SLC9A9: variants seen among roughly 807,000 people sequenced by gnomAD.
SLC9A9 encodes sodium/hydrogen exchanger 9.
Under a neutral mutation model 77.8 loss-of-function variants are expected in SLC9A9, and 62 were observed. That is an observed-to-expected ratio of 0.80 (90% CI 0.65 to 0.98). The LOEUF (loss-of-function observed/expected upper bound fraction) is 0.98. Ranked by LOEUF, SLC9A9 falls within the 50% of genes least tolerant of loss-of-function variation. The pLI, the probability that SLC9A9 is intolerant of heterozygous loss-of-function variation, is 0.00. For missense variants in SLC9A9, 775 were observed against 774.9 expected, an observed-to-expected ratio of 1.00 and a Z score of 0.00; for synonymous variants, 320 against 283.5, an observed-to-expected ratio of 1.13 and a Z score of -1.29.
chr3:143,556,942 T>C (rs1331740829), intron 8 of SLC9A9, among the ~76,000 whole-genome samples: 1 of 152,218 alleles, frequency 6.6e-6, no homozygotes, highest in Non-Finnish European at 1.5e-5. Flanking sequence ...GAACTGGAAC[T>C]CATCCTCTTT....
At chr3:143,742,064 A>T (rs1225433364) in intron 4 of SLC9A9, among the ~76,000 whole-genome samples, 1 of 151,908 alleles carries the variant, frequency 6.6e-6, no homozygotes, top group Non-Finnish European at 1.5e-5. Flanking sequence ...CAAGATTCTG[A>T]CCCTCCTTAA....
rs2037406610 is a variant in SLC9A9 at position 143,578,717 on chromosome 3, T to C, written c.762A>G (p.Ile254Met). Residue 254 changes from isoleucine (I) to methionine (M), a missense_variant, in exon 7 of 16, where the codon ATA becomes ATG. Ile to Met is a conservative substitution (Grantham distance 10, BLOSUM62 1). Transcript: ENST00000316549. ...GATTCTCCTTGGGACTGTAAATGGA[T>C]ATAGAACTGAAAAGAGAAGAGGGTG... ...DAVAIVLTYS[I>M]SIYSPKENPN... 1 of 1,613,808 alleles carries C rather than the reference T, an allele frequency of 6.2e-7. No homozygotes were observed. Among genetic ancestry groups the C allele is most frequent in the African/African-American group, 1.3e-5 (1 of 74,908 alleles).
intron 2 of SLC9A9, among the ~76,000 whole-genome samples, chr3:143,799,448 C>T (rs554429037): frequency 9.2e-5 from 14 of 152,272 alleles, no homozygotes; most frequent in African/African-American, 3.4e-4. Flanking sequence ...AATTCCTTGC[C>T]CCCACTGTGA....
chr3:143,376,090 A>C (rs1315180263), intron 13 of SLC9A9, among the ~76,000 whole-genome samples: 4 of 152,150 alleles, frequency 2.6e-5, no homozygotes, highest in African/African-American at 9.7e-5. Context: ...CTGTGAGTGA[A>C]GGATGACACA....
rs944603090 is a variant in SLC9A9, at chr3:143,266,011, C to T, written c.*691G>A. On this transcript the variant is annotated 3_prime_UTR_variant, in exon 16 of 16. Transcript: ENST00000316549. ...ACCTGGTTTTCTTGGAATGGTCCTA[C>T]TAAGCTTGAAAGTGGTGCTGCATTT... 1.4e-6 allele frequency: 1 copy of T among 700,944 alleles called. No individual in the cohort carries two copies. Among genetic ancestry groups the T allele is most frequent in the African/African-American group, 1.7e-5 (1 of 57,174 alleles). The allele number at this position is 700,944 out of a possible 1,614,324, so 43.4% of individuals were successfully genotyped here.
intron 5 of SLC9A9, among the ~76,000 whole-genome samples, chr3:143,689,221 A>G (rs912083083): frequency 2.6e-5 from 4 of 152,078 alleles, no homozygotes; most frequent in African/African-American, 9.7e-5. Context: ...TTACAAATAC[A>G]TTTACCATTA....
At chr3:143,336,279 C>T (rs982528833) in intron 14 of SLC9A9, among the ~76,000 whole-genome samples, 2 of 152,068 alleles carry the variant, frequency 1.3e-5, no homozygotes, top group African/African-American at 4.8e-5. Flanking sequence ...AATCTTTGTG[C>T]ACTGTTGGTG....
intron 12 of SLC9A9, among the ~76,000 whole-genome samples, chr3:143,396,916 GA>G (rs1159057086): frequency 6.6e-6 from 1 of 152,116 alleles, no homozygotes; most frequent in Non-Finnish European, 1.5e-5. Flanking sequence ...TGACAATTTA[GA>G]TATACATTTT....
chr3:143,503,524 G>A (rs1576540412), intron 9 of SLC9A9: 2 of 391,684 alleles, frequency 5.1e-6, no homozygotes, highest in Non-Finnish European at 1.0e-5. Context: ...TTTGGCACAA[G>A]TCTCTCCAGA....
At chr3:143,702,338 C>T (rs1046349744) in intron 4 of SLC9A9, among the ~76,000 whole-genome samples, 1 of 151,938 alleles carries the variant, frequency 6.6e-6, no homozygotes, top group Non-Finnish European at 1.5e-5. Context: ...ATGAACCAAT[C>T]AAAAATAATA....
At position 143,467,064 on chromosome 3, in the gene SLC9A9, G is replaced by A. The variant is rs1337577009; in HGVS notation, c.1442C>T (p.Thr481Ile). 2.5e-6 allele frequency: 4 copies of A among 1,613,944 alleles called. No individual in the cohort carries two copies. Among genetic ancestry groups the A allele is most frequent in the Non-Finnish European group, 3.4e-6 (4 of 1,179,946 alleles). The part of the protein sequence containing the change: ...FTVWVFGGGT[T>I]PMLTWLQIRV... ...GATCTGAAGCCAAGTCAACATGGGG[G>A]TTGTTCCTCCTCCAAATACCCAGAC... Residue 481 changes from threonine (T) to isoleucine (I), a missense_variant, in exon 12 of 16, where the codon ACC becomes ATC. Transcript: ENST00000316549.
intron 9 of SLC9A9, among the ~76,000 whole-genome samples, chr3:143,548,475 G>C (rs1015027381): frequency 3.3e-5 from 5 of 152,072 alleles, no homozygotes; most frequent in Non-Finnish European, 7.4e-5. Context: ...CAGCTCCCAG[G>C]GAAAGAGACA....
intron 6 of SLC9A9, among the ~76,000 whole-genome samples, chr3:143,627,858 C>A (rs1473484946): frequency 6.6e-6 from 1 of 152,070 alleles, no homozygotes; most frequent in African/African-American, 2.4e-5. Context: ...TGAATGAGAC[C>A]AACACAAATA....
intron 9 of SLC9A9, among the ~76,000 whole-genome samples, chr3:143,546,036 C>A (rs1480939148): frequency 6.6e-6 from 1 of 152,166 alleles, no homozygotes; most frequent in Non-Finnish European, 1.5e-5. Context: ...AAAAGTAAAG[C>A]TCATGTGTGT....
rs542837867 is a variant in SLC9A9 at position 143,589,613 on chromosome 3, T to C, written c.756-10890A>G. Among the ~76,000 whole-genome samples, 9 of 152,338 alleles carry C rather than the reference T, an allele frequency of 5.9e-5. 1 individual carries two copies. Among genetic ancestry groups the C allele is most frequent in the African/African-American group, 2.2e-4 (9 of 41,572 alleles). ...ATACCATCTAGAAGACTTGTGTAAG[T>C]ACACTCCATAATGTCTGCATGATGA... is the stretch of plus-strand genomic sequence containing the variant. On this transcript the variant is annotated intron_variant, in intron 6 of 15. Coordinates refer to ENST00000316549, the MANE Select transcript of SLC9A9 (RefSeq NM_173653.4).
intron 8 of SLC9A9, among the ~76,000 whole-genome samples, chr3:143,573,764 C>T (rs911559783): frequency 2.0e-5 from 3 of 152,108 alleles, no homozygotes; most frequent in East Asian, 1.9e-4. Flanking sequence ...TGTGGGTATC[C>T]TTTCACACTC....
chr3:143,640,984 T>C (rs1371363409), intron 6 of SLC9A9, among the ~76,000 whole-genome samples: 3 of 152,096 alleles, frequency 2.0e-5, no homozygotes, highest in Non-Finnish European at 2.9e-5. Flanking sequence ...TGGCAGAAAA[T>C]GTCCCTTGTG....
intron 9 of SLC9A9, among the ~76,000 whole-genome samples, chr3:143,535,620 C>A (rs2036578147): frequency 6.6e-6 from 1 of 152,054 alleles, no homozygotes; most frequent in South Asian, 2.1e-4. Context: ...ACTTAAGATA[C>A]AAAGGTGCTT....
At chr3:143,813,791 C>T (rs1210237290) in intron 2 of SLC9A9, among the ~76,000 whole-genome samples, 3 of 152,178 alleles carry the variant, frequency 2.0e-5, no homozygotes, top group Non-Finnish European at 4.4e-5. Context: ...CTCATATACT[C>T]TTTTGTACCT....
Sources: gnomAD v4.1 joint callset for allele counts (sites outside exome capture counted in the v4.1 genomes callset) on GRCh38, gnomAD v4.1.1 for gene constraint, MANE v1.5 for transcripts, NCBI Gene and HGNC (gene_info 2026-07-23, HGNC 2026-07-21) for gene names.